The following CFAP299 variants were observed in gnomAD, a reference collection of about 807,000 sequenced individuals.
The protein encoded by CFAP299 is cilia- and flagella-associated protein 299.
Under a neutral mutation model 27.0 loss-of-function variants are expected in CFAP299, and 21 were observed. The ratio of observed to expected loss-of-function variants is 0.78; its 90% confidence interval spans 0.55 to 1.12. The LOEUF (loss-of-function observed/expected upper bound fraction) is 1.12, where lower values mean the gene tolerates loss of function less well. Among genes scored for constraint, CFAP299 ranks in the 50% most tolerant of loss-of-function variants. The pLI is 0.00. For synonymous variants in CFAP299, 104 were observed against 98.1 expected (o/e 1.06, Z -0.36); for missense variants, 310 against 276.6 (o/e 1.12, Z -0.86).
chr4:80,327,690 T>TTATATATA, the CFAP299 span, among the ~76,000 whole-genome samples: 615 of 51,082 alleles, frequency 0.012, 19 homozygotes, highest in African/African-American at 0.029. Flanking sequence ...TAGAGAGAAG[T>TTATATATA]TATATATATA....
chr4:80,703,131 A>C (rs2110029265), intron 3 of CFAP299, among the ~76,000 whole-genome samples: 1 of 151,864 alleles, frequency 6.6e-6, no homozygotes, highest in Middle Eastern at 3.4e-3. Flanking sequence ...TTGCTTGCTA[A>C]ATTTTAACCA....
intron 2 of CFAP299, chr4:80,386,586 G>A: frequency 6.3e-7 from 1 of 1,598,184 alleles, no homozygotes; most frequent in Middle Eastern, 1.7e-4. Context: ...TGATCTTTGA[G>A]GTATTTGTGG....
chr4:80,512,070 A>G (rs1238746273), intron 2 of CFAP299, among the ~76,000 whole-genome samples: 1 of 152,148 alleles, frequency 6.6e-6, no homozygotes, highest in African/African-American at 2.4e-5. Context: ...AATTAAATTA[A>G]GTCGTTCAAC....
intron 3 of CFAP299, among the ~76,000 whole-genome samples, chr4:80,759,706 T>C (rs1393980659): frequency 2.6e-5 from 4 of 152,148 alleles, no homozygotes; most frequent in Non-Finnish European, 5.9e-5. Flanking sequence ...CTAGTAAACA[T>C]AGCAAACTGG....
intron 1 of CFAP299, among the ~76,000 whole-genome samples, chr4:80,356,814 C>T (rs947391789): frequency 3.3e-5 from 5 of 151,896 alleles, no homozygotes; most frequent in African/African-American, 4.8e-5. Flanking sequence ...CTCCCTATTT[C>T]GATATGCTTT....
chr4:80,502,720 ATGGTATTCTAC>A (rs1399522071), intron 2 of CFAP299, among the ~76,000 whole-genome samples: 7 of 151,990 alleles, frequency 4.6e-5, no homozygotes, highest in Non-Finnish European at 8.8e-5. Flanking sequence ...ACTCACTGTG[ATGGTATTCTAC>A]TGGTATTTCT....
At chr4:80,328,037 T>G in the CFAP299 span, among the ~76,000 whole-genome samples, 7 of 151,656 alleles carry the variant, frequency 4.6e-5, no homozygotes, top group African/African-American at 1.2e-4. Flanking sequence ...TAGAGCCACA[T>G]CCCTATGATT....
intron 3 of CFAP299, among the ~76,000 whole-genome samples, chr4:80,731,715 T>G (rs1487500812): frequency 1.3e-5 from 2 of 152,174 alleles, no homozygotes; most frequent in East Asian, 3.9e-4. Flanking sequence ...CTTACATTTT[T>G]AAGTTCATTG....
chr4:80,435,109 A>G (rs775277052), intron 2 of CFAP299, among the ~76,000 whole-genome samples: 3 of 152,202 alleles, frequency 2.0e-5, no homozygotes, highest in Non-Finnish European at 4.4e-5. Flanking sequence ...GAGGACTTTA[A>G]GGGTTGAAAA....
At chr4:80,909,173 T>C (rs1455713208) in intron 4 of CFAP299, among the ~76,000 whole-genome samples, 1 of 152,032 alleles carries the variant, frequency 6.6e-6, no homozygotes, top group African/African-American at 2.4e-5. Context: ...GTATTACCAA[T>C]TGCCTTTTTT....
At chr4:80,643,340 TAAGAG>T (rs1303730385) in intron 3 of CFAP299, among the ~76,000 whole-genome samples, 1 of 151,976 alleles carries the variant, frequency 6.6e-6, no homozygotes, top group Non-Finnish European at 1.5e-5. Context: ...GATCAAGAAA[TAAGAG>T]AAGAACTGCC....
chr4:80,594,099 A>G lies in CFAP299; in HGVS notation c.333+10916A>G, dbSNP rs141206462. Among the ~76,000 whole-genome samples the G allele has an allele frequency of 9.0e-3, 1,375 of 152,206 alleles. 22 individuals carry two copies. The highest frequency in any genetic ancestry group is 0.031 in the African/African-American group (1,268 of 41,546). Reference sequence around the variant, plus strand: ...AAAGATCTTACTATTTACACATGCTAGGTATATTAGTCCATTTTCGCACTG... The same window carrying G: ...AAAGATCTTACTATTTACACATGCTGGGTATATTAGTCCATTTTCGCACTG... On this transcript the variant is annotated intron_variant, in intron 3 of 5. Coordinates refer to ENST00000358105, the MANE Select transcript of CFAP299 (RefSeq NM_152770.3).
At chr4:80,572,280 G>GT (rs910709270) in intron 2 of CFAP299, among the ~76,000 whole-genome samples, 31 of 149,830 alleles carry the variant, frequency 2.1e-4, no homozygotes, top group East Asian at 9.8e-4. Context: ...TATTCATTCT[G>GT]TTTTTTTTTG....
intron 2 of CFAP299, among the ~76,000 whole-genome samples, chr4:80,444,816 T>G (rs1728536023): frequency 1.3e-5 from 2 of 152,126 alleles, no homozygotes; most frequent in South Asian, 4.1e-4. Flanking sequence ...TACAAGGAAC[T>G]TAAACAAATT....
At chr4:80,855,969 G>A (rs1370628121) in intron 3 of CFAP299, among the ~76,000 whole-genome samples, 1 of 151,780 alleles carries the variant, frequency 6.6e-6, no homozygotes, top group African/African-American at 2.4e-5. Context: ...CTAGATCCCT[G>A]AGGAATTGCC....
intron 3 of CFAP299, among the ~76,000 whole-genome samples, chr4:80,656,603 G>A (rs561167221): frequency 9.2e-5 from 14 of 152,118 alleles, no homozygotes; most frequent in East Asian, 7.7e-4. Flanking sequence ...TATGTACCAC[G>A]TTTTCTTTAT....
At chr4:80,745,056 CAG>C (rs1445638180) in intron 3 of CFAP299, among the ~76,000 whole-genome samples, 1 of 152,040 alleles carries the variant, frequency 6.6e-6, no homozygotes, top group Non-Finnish European at 1.5e-5. Flanking sequence ...TTGTTACACA[CAG>C]AATAAAGAAA....
chr4:80,336,270 C>G (rs765401466), intron 1 of CFAP299, among the ~76,000 whole-genome samples: 3 of 152,210 alleles, frequency 2.0e-5, no homozygotes, highest in Non-Finnish European at 4.4e-5. Flanking sequence ...TTTCTCTCTG[C>G]TTTGCCAATT....
intron 3 of CFAP299, among the ~76,000 whole-genome samples, chr4:80,693,551 G>A (rs1331789043): frequency 7.8e-6 from 1 of 128,144 alleles, no homozygotes; most frequent in Non-Finnish European, 1.6e-5. Flanking sequence ...CTGTGGTGGG[G>A]TGGGGGAGGG....
Sources: gnomAD v4.1 joint callset for allele counts (sites outside exome capture counted in the v4.1 genomes callset) on GRCh38, gnomAD v4.1.1 for gene constraint, MANE v1.5 for transcripts, NCBI Gene and HGNC (gene_info 2026-07-23, HGNC 2026-07-21) for gene names.